Variants in TPCN2 observed in about 807,000 individuals in gnomAD.
TPCN2 encodes the protein two pore segment channel 2, also known as two pore channel protein 2.
TPCN2 carries 92 observed loss-of-function variants against 111.4 expected under a neutral mutation model. That is an observed-to-expected ratio of 0.83 (90% CI 0.70 to 0.98). TPCN2 has a LOEUF of 0.98. TPCN2 is among the 50% of genes least tolerant of loss of function. TPCN2 has a pLI of 0.00. For missense variants in TPCN2, 995 were observed against 980.1 expected (o/e 1.02, Z -0.20); for synonymous variants, 405 against 414.5 (o/e 0.98, Z 0.28).
At chr11:69,070,337 C>G in intron 8 of TPCN2, 93 bp from the exon 9 acceptor site, 1 of 1,055,900 alleles carries the variant, frequency 9.5e-7, no homozygotes, top group Non-Finnish European at 1.4e-6. Flanking sequence ...TGGAGACCTC[C>G]TTTCTATTGC....
chr11:69,086,622 C>G lies in TPCN2; in HGVS notation c.2085+18C>G. 1 of 1,610,814 alleles carries G rather than the reference C, an allele frequency of 6.2e-7. No homozygotes were observed. Among genetic ancestry groups the G allele is most frequent in the Non-Finnish European group, 8.5e-7 (1 of 1,177,056 alleles). ...TTCTGGAGGTATCAGAGATCCCCACCCAGGCTGTTCTCCATGGTCGTTTGT... is the reference window on the plus strand; with the variant it reads ...TTCTGGAGGTATCAGAGATCCCCACGCAGGCTGTTCTCCATGGTCGTTTGT... On this transcript the variant is annotated intron_variant, in intron 23 of 24. Coordinates refer to ENST00000294309, the MANE Select transcript of TPCN2 (RefSeq NM_139075.4).
Position 69,067,407 on chromosome 11 carries a change from G to A in TPCN2, c.727-96G>A, listed in dbSNP as rs532391231. The A allele has an allele frequency of 1.4e-4, 160 of 1,118,226 alleles. No individual in the cohort carries two copies. In the African/African-American group the frequency reaches 2.0e-3, roughly 14 times the overall value. 69.3% of individuals were successfully genotyped at this position (1,118,226 alleles called of 1,614,324 possible). On this transcript the variant is annotated intron_variant, in intron 7 of 24. Coordinates refer to ENST00000294309, the MANE Select transcript of TPCN2 (RefSeq NM_139075.4). The stretch of plus-strand genomic sequence containing the variant: ...CACAGGGAGATGCAGGCTGGGCGGC[G>A]GGTGGATGGTTCCAGCCGGTTGGGT...
chr11:69,055,177 C>T lies in TPCN2; in HGVS notation c.254C>T (p.Thr85Ile). ...RRYYSNVCQR[T>I]LSFTIFLILF... ...TCATGTTTCTGTCCCCTTTCCAGGA[C>T]TTTGAGCTTCACCATCTTCTTGATC... Residue 85 changes from threonine (T) to isoleucine (I), a missense_variant and splice_region_variant, in exon 4 of 25, where the codon ACT (threonine) becomes ATT (isoleucine). Coordinates refer to ENST00000294309, the MANE Select transcript of TPCN2 (RefSeq NM_139075.4). 2 of 1,613,918 alleles carry T rather than the reference C, an allele frequency of 1.2e-6. No homozygotes were observed. The highest frequency in any genetic ancestry group is 1.7e-6 in the Non-Finnish European group (2 of 1,179,890).
intron 1 of TPCN2, among the ~76,000 whole-genome samples, chr11:69,050,788 G>T (rs1861190001): frequency 6.6e-6 from 1 of 152,246 alleles, no homozygotes; most frequent in Admixed American, 6.5e-5. Flanking sequence ...ACAGGGCCCG[G>T]CGGGCTGGTG....
Position 69,079,865 on chromosome 11 carries a change from G to T in TPCN2, c.1571G>T (p.Arg524Leu). 5.0e-6 allele frequency: 8 copies of T among 1,613,660 alleles called. No individual in the cohort carries two copies. The highest frequency in any genetic ancestry group is 6.8e-6 in the Non-Finnish European group (8 of 1,179,882). ...VLEISTLAVY[R>L]LPHPGWRPEM... ...GAGATCTCAACTCTGGCTGTGTACCGATTGCCACACCCAGGCTGGTATGTG... is the reference window on the plus strand; with the variant it reads ...GAGATCTCAACTCTGGCTGTGTACCTATTGCCACACCCAGGCTGGTATGTG... The change falls in exon 17 of 25, where the codon CGA becomes CTA. Residue 524 changes from arginine to leucine, a missense_variant. Transcript: ENST00000294309.
At chr11:69,067,960 A>G (rs1444230907) in intron 8 of TPCN2, among the ~76,000 whole-genome samples, 1 of 152,032 alleles carries the variant, frequency 6.6e-6, no homozygotes, top group Non-Finnish European at 1.5e-5. Flanking sequence ...CGATGATGGC[A>G]GTGGTCAGAG....
In TPCN2 at chr11:69,079,034, A is replaced by G. The variant is rs1053351114; in HGVS notation, c.1539+14A>G. ...GTTGTCCTGCTGGTAAAGTAGGCGC[A>G]TCCGAGGCCGGCCTCTACTGGGCGG... On this transcript the variant is annotated intron_variant, in intron 16 of 24. Coordinates refer to ENST00000294309, the MANE Select transcript of TPCN2 (RefSeq NM_139075.4). The G allele has an allele frequency of 1.8e-5, 29 of 1,600,396 alleles. No homozygotes were observed. Among genetic ancestry groups the G allele is most frequent in the Non-Finnish European group, 2.2e-5 (26 of 1,173,006 alleles).
At chr11:69,085,307 C>A in intron 20 of TPCN2, 21 bp downstream of exon 20, 1 of 1,609,730 alleles carries the variant, frequency 6.2e-7, no homozygotes, top group Non-Finnish European at 8.5e-7. Flanking sequence ...GTCCGAGGTG[C>A]CACAGGGAGT....
At chr11:69,076,528 C>G (rs577078774) in intron 13 of TPCN2, among the ~76,000 whole-genome samples, 192 of 151,914 alleles carry the variant, frequency 1.3e-3, no homozygotes, top group African/African-American at 4.5e-3. Context: ...ATCCGGAAAC[C>G]GCAGGGGAGG....
chr11:69,060,415 G>A (rs149111528), intron 5 of TPCN2, among the ~76,000 whole-genome samples: 111 of 152,340 alleles, frequency 7.3e-4, no homozygotes, highest in African/African-American at 2.5e-3. Context: ...TGGCTTGCAG[G>A]GAGGACTGGG....
At position 69,082,011 on chromosome 11, in the gene TPCN2, G is replaced by A. The variant is rs1856034891; in HGVS notation, c.1689+512G>A. Among the ~76,000 whole-genome samples, 2 of 152,120 alleles carry A rather than the reference G, an allele frequency of 1.3e-5. 1 individual carries two copies. Among genetic ancestry groups the A allele is most frequent in the South Asian group, 4.1e-4 (2 of 4,822 alleles). ...TAAAGGGGCAGGCAGGCAGAGGTCG[G>A]GGGTCTGGGCCTTGCTGCTCCTGGC... On this transcript the variant is annotated intron_variant, in intron 18 of 24. Transcript: ENST00000294309.
chr11:69,056,399 G>A (rs1343693876), intron 4 of TPCN2, among the ~76,000 whole-genome samples: 14 of 152,240 alleles, frequency 9.2e-5, no homozygotes, highest in Non-Finnish European at 1.6e-4. Flanking sequence ...AGGTCTGGGG[G>A]TTTTTCAACT....
intron 20 of TPCN2, 31 bp from the exon 21 acceptor site, chr11:69,085,640 G>A (rs372997454): frequency 3.4e-6 from 5 of 1,457,298 alleles, no homozygotes; most frequent in South Asian, 1.1e-5. Context: ...TGGAGCCCCC[G>A]CCCCTGACCC....
chr11:69,071,290 C>A, intron 9 of TPCN2, 66 bp from the exon 10 acceptor site: 2 of 1,338,050 alleles, frequency 1.5e-6, no homozygotes, highest in Non-Finnish European at 1.1e-6. Flanking sequence ...CCTGTGCCGG[C>A]CACCCTTGCG....
At chr11:69,064,178 T>C (rs892416778) in intron 7 of TPCN2, among the ~76,000 whole-genome samples, 3 of 152,074 alleles carry the variant, frequency 2.0e-5, no homozygotes, top group Non-Finnish European at 2.9e-5. Flanking sequence ...CCCTGGGGTC[T>C]CCTGGGCTCA....
At position 69,089,660 on chromosome 11, in the gene TPCN2, G is replaced by T. The variant is rs1291298372; in HGVS notation, c.*1707G>T. ...TGCTGGTGTTCTCTCTTGTTGCTTG[G>T]TGAAGGTGGCCCTGGTCAGCTTCTC... On this transcript the variant is annotated 3_prime_UTR_variant, in exon 25 of 25. Transcript: ENST00000294309. 1 of 152,334 alleles carries T rather than the reference G, an allele frequency of 6.6e-6. No individual in the cohort carries two copies. Among genetic ancestry groups the T allele is most frequent in the Admixed American group, 6.5e-5 (1 of 15,292 alleles). 9.4% of individuals were successfully genotyped at this position (152,334 alleles called of 1,614,324 possible).
At chr11:69,057,519 C>G (rs1854827778) in intron 4 of TPCN2, 59 bp from the exon 5 acceptor site, 1 of 1,510,062 alleles carries the variant, frequency 6.6e-7, no homozygotes, top group Non-Finnish European at 9.2e-7. Context: ...CCGTCATTCT[C>G]TGGCTGCAGG....
intron 13 of TPCN2, among the ~76,000 whole-genome samples, chr11:69,078,050 C>T (rs568689723): frequency 3.9e-5 from 6 of 152,270 alleles, no homozygotes; most frequent in East Asian, 3.9e-4. Flanking sequence ...AGCGTCTGCC[C>T]GCCTGCCCCT....
intron 13 of TPCN2, among the ~76,000 whole-genome samples, chr11:69,077,997 G>C (rs962513510): frequency 3.9e-5 from 6 of 152,202 alleles, no homozygotes; most frequent in African/African-American, 1.2e-4. Flanking sequence ...GGAGGCTGCT[G>C]AGCGTGGGAA....
Sources: gnomAD v4.1 joint callset for allele counts (sites outside exome capture counted in the v4.1 genomes callset) on GRCh38, gnomAD v4.1.1 for gene constraint, MANE v1.5 for transcripts, NCBI Gene and HGNC (gene_info 2026-07-23, HGNC 2026-07-21) for gene names.